The following OXR1 variants were observed in gnomAD, a reference collection of about 807,000 sequenced individuals.
OXR1 encodes oxidation resistance protein 1.
OXR1 carries 41 observed loss-of-function variants against 104.6 expected under a neutral mutation model. That is an observed-to-expected ratio of 0.39 (90% CI 0.31 to 0.51). OXR1 has a LOEUF of 0.51. Ranked by LOEUF, OXR1 falls within the 20% of genes least tolerant of loss-of-function variation. The probability of loss-of-function intolerance (pLI) is 0.77; values close to 1 mark genes in which losing one functional copy is unlikely to be tolerated. For synonymous variants in OXR1, 348 were observed against 348.4 expected, an observed-to-expected ratio of 1.00 and a Z score of 0.01; for missense variants, 955 against 1,031.9, an observed-to-expected ratio of 0.93 and a Z score of 1.02.
intron 4 of OXR1, among the ~76,000 whole-genome samples, chr8:106,680,457 T>C (rs1220735082): frequency 6.6e-6 from 1 of 152,198 alleles, no homozygotes; most frequent in Non-Finnish European, 1.5e-5. Flanking sequence ...AAATTCTTGG[T>C]AATTATCTTT....
chr8:106,448,099 GA>G, intron 2 of OXR1: 1 of 1,527,910 alleles, frequency 6.5e-7, no homozygotes, highest in Non-Finnish European at 8.8e-7. Flanking sequence ...GTGTTATGAA[GA>G]AAACGTTTCC....
intron 2 of OXR1, among the ~76,000 whole-genome samples, chr8:106,488,501 G>T (rs1810848963): frequency 6.6e-6 from 1 of 152,180 alleles, no homozygotes; most frequent in African/African-American, 2.4e-5. Context: ...CCTTGCCCAT[G>T]GCTATGTCCT....
chr8:106,412,677 C>T (rs1362393984), intron 2 of OXR1, among the ~76,000 whole-genome samples: 5 of 151,984 alleles, frequency 3.3e-5, no homozygotes, highest in South Asian at 4.1e-4. Context: ...TCAAGTCAGG[C>T]GATATGCACC....
At chr8:106,315,459 C>T (rs141456549) in intron 1 of OXR1, among the ~76,000 whole-genome samples, 17 of 152,234 alleles carry the variant, frequency 1.1e-4, no homozygotes, top group Non-Finnish European at 2.2e-4. Flanking sequence ...ATCCTCCTAA[C>T]AAACTAATTT....
intron 1 of OXR1, among the ~76,000 whole-genome samples, chr8:106,276,222 T>C (rs1812030456): frequency 6.6e-6 from 1 of 152,250 alleles, no homozygotes; most frequent in South Asian, 2.1e-4. Flanking sequence ...TTTTACAGAA[T>C]TACATGCATG....
chr8:106,440,115 G>A lies in OXR1; in HGVS notation c.24-78828G>A, dbSNP rs562323722. On this transcript the variant is annotated intron_variant, in intron 2 of 16. Transcript: ENST00000517566. ...AGAACTGAGAGTGGTGCTCCTCAGC[G>A]GTGGGACTGCGTTGGTAATTTTCAA... Among the ~76,000 whole-genome samples the A allele has an allele frequency of 2.2e-4, 33 of 152,136 alleles. 1 individual carries two copies. In the South Asian group the frequency reaches 4.4e-3, roughly 20 times the overall value.
chr8:106,617,468 G>C (rs1821340415), intron 3 of OXR1, among the ~76,000 whole-genome samples: 1 of 152,002 alleles, frequency 6.6e-6, no homozygotes, highest in African/African-American at 2.4e-5. Context: ...AAAGAAGGAA[G>C]TTATTACTAC....
At chr8:106,457,876 T>C (rs557244398) in intron 2 of OXR1, among the ~76,000 whole-genome samples, 1 of 152,278 alleles carries the variant, frequency 6.6e-6, no homozygotes, top group Non-Finnish European at 1.5e-5. Context: ...AGCAATAAAC[T>C]AGGATATCTG....
At chr8:106,423,785 T>G (rs146806495) in intron 2 of OXR1, among the ~76,000 whole-genome samples, 1 of 152,314 alleles carries the variant, frequency 6.6e-6, no homozygotes, top group African/African-American at 2.4e-5. Context: ...GAGTAATGAA[T>G]CTTATCCTCC....
chr8:106,343,903 A>C (rs1815364558), intron 1 of OXR1, among the ~76,000 whole-genome samples: 1 of 152,244 alleles, frequency 6.6e-6, no homozygotes, highest in South Asian at 2.1e-4. Context: ...AGTTTAACTA[A>C]GTTAGACACA....
intron 1 of OXR1, among the ~76,000 whole-genome samples, chr8:106,307,938 AT>A (rs1297986210): frequency 1.3e-5 from 2 of 152,032 alleles, no homozygotes; most frequent in Non-Finnish European, 2.9e-5. Flanking sequence ...TTAATCAATG[AT>A]TTTCAGAGAA....
chr8:106,432,746 T>A (rs990442293), intron 2 of OXR1, among the ~76,000 whole-genome samples: 3 of 152,178 alleles, frequency 2.0e-5, no homozygotes, highest in African/African-American at 7.2e-5. Context: ...GTCTATTCCC[T>A]CGTTAGATTA....
intron 3 of OXR1, among the ~76,000 whole-genome samples, chr8:106,616,275 A>G (rs1266902938): frequency 7.9e-6 from 1 of 126,296 alleles, no homozygotes; most frequent in Non-Finnish European, 1.6e-5. Context: ...CTTAGCCAGG[A>G]TGGTCTCGAT....
intron 3 of OXR1, among the ~76,000 whole-genome samples, chr8:106,540,891 C>T (rs1184084257): frequency 6.6e-6 from 1 of 152,158 alleles, no homozygotes; most frequent in Non-Finnish European, 1.5e-5. Context: ...ATAATTCAAT[C>T]ACCTCCCACC....
At chr8:106,745,187 A>G (rs1835277670) in intron 15 of OXR1, among the ~76,000 whole-genome samples, 1 of 152,218 alleles carries the variant, frequency 6.6e-6, no homozygotes. Context: ...TGTTAGGTTT[A>G]GGTAAAACAC....
At chr8:106,556,441 A>G (rs1816291285) in intron 3 of OXR1, among the ~76,000 whole-genome samples, 1 of 152,174 alleles carries the variant, frequency 6.6e-6, no homozygotes, top group Non-Finnish European at 1.5e-5. Context: ...GACCTAAATG[A>G]TAAGAAGCCA....
At chr8:106,605,739 C>T (rs1389063315) in intron 3 of OXR1, among the ~76,000 whole-genome samples, 1 of 151,710 alleles carries the variant, frequency 6.6e-6, no homozygotes, top group African/African-American at 2.4e-5. Flanking sequence ...GTGGAGGTTG[C>T]AGTGAGCCGA....
chr8:106,391,431 G>A (rs757292896), intron 2 of OXR1, among the ~76,000 whole-genome samples: 3 of 152,054 alleles, frequency 2.0e-5, no homozygotes, highest in Non-Finnish European at 4.4e-5. Flanking sequence ...AATGATGCCT[G>A]TGTTCCATGA....
At chr8:106,665,171 C>T (rs569448011) in intron 3 of OXR1, among the ~76,000 whole-genome samples, 4 of 152,104 alleles carry the variant, frequency 2.6e-5, no homozygotes, top group Admixed American at 6.6e-5. Flanking sequence ...CAGCCCTAGA[C>T]GGGACACCAT....
Sources: gnomAD v4.1 joint callset for allele counts (sites outside exome capture counted in the v4.1 genomes callset) on GRCh38, gnomAD v4.1.1 for gene constraint, MANE v1.5 for transcripts, NCBI Gene and HGNC (gene_info 2026-07-23, HGNC 2026-07-21) for gene names.